Variants in PCSK6 observed in about 807,000 individuals in gnomAD.
The protein encoded by PCSK6 is proprotein convertase subtilisin/kexin type 6, also known as paired basic amino acid cleaving enzyme 4.
A neutral mutation model predicts 123.3 loss-of-function variants in PCSK6; 85 were observed. That is an observed-to-expected ratio of 0.69 (90% confidence interval 0.58 to 0.83). The LOEUF (loss-of-function observed/expected upper bound fraction) is 0.83. Ranked by LOEUF, PCSK6 falls within the 40% of genes least tolerant of loss-of-function variation. The probability of loss-of-function intolerance (pLI) is 0.00; values close to 1 mark genes in which losing one functional copy is unlikely to be tolerated. For synonymous variants in PCSK6, 508 were observed against 516.0 expected, an observed-to-expected ratio of 0.98 and a Z score of 0.21; for missense variants, 1,191 against 1,282.3, an observed-to-expected ratio of 0.93 and a Z score of 1.09.
At chr15:101,353,828 C>T (rs1305634999) in intron 13 of PCSK6, among the ~76,000 whole-genome samples, 2 of 152,144 alleles carry the variant, frequency 1.3e-5, no homozygotes, top group Non-Finnish European at 2.9e-5. Context: ...ACGGCCCTGA[C>T]ACCAGGCTCT....
chr15:101,489,302 C>G, intron 1 of PCSK6, 72 bp downstream of exon 1: 1 of 971,154 alleles, frequency 1.0e-6, no homozygotes. Flanking sequence ...GACAGGACTG[C>G]GGAGGCGCCC....
rs1243726824 is a variant in PCSK6 at position 101,391,577 on chromosome 15, T to C, written c.1209+1635A>G. Among the ~76,000 whole-genome samples the C allele has an allele frequency of 2.0e-5, 3 of 152,256 alleles. No individual in the cohort carries two copies. The East Asian group carries it at 5.8e-4, about 29-fold the overall frequency. ...GGTTTTACTCCTCTATAAAGAGTCA[T>C]GTGTCACCACAGGACATCCCTCGCT... is the stretch of plus-strand genomic sequence containing the variant. On this transcript the variant is annotated intron_variant, in intron 8 of 21. Transcript: ENST00000611716.
At chr15:101,307,412 C>G in intron 20 of PCSK6, 87 bp from the exon 21 acceptor site, 1 of 892,330 alleles carries the variant, frequency 1.1e-6, no homozygotes, top group Non-Finnish European at 1.8e-6. Context: ...CCTCCCTGCA[C>G]CTCCTTCCCA....
chr15:101,395,382 C>A lies in PCSK6; in HGVS notation c.997-1958G>T, dbSNP rs111289534. Among the ~76,000 whole-genome samples the A allele has an allele frequency of 4.5e-3, 686 of 152,306 alleles. 4 individuals are homozygous for A. The highest frequency in any genetic ancestry group is 0.017 in the Middle Eastern group (5 of 294). ...GACGCCAGTGCTGCTGGCTCTGGACCCCACTTTGAATACCAAGAGCCTGAA... is the reference window on the plus strand; with the variant it reads ...GACGCCAGTGCTGCTGGCTCTGGACACCACTTTGAATACCAAGAGCCTGAA... On this transcript the variant is annotated intron_variant, in intron 7 of 21. Transcript: ENST00000611716.
intron 2 of PCSK6, among the ~76,000 whole-genome samples, chr15:101,436,353 C>G (rs1293742909): frequency 6.6e-6 from 1 of 152,222 alleles, no homozygotes; most frequent in East Asian, 1.9e-4. Flanking sequence ...GAAGTACGCA[C>G]CGGCAGGGCT....
chr15:101,366,441 G>A (rs976806087), intron 12 of PCSK6, 109 bp from the exon 13 acceptor site: 39 of 1,155,042 alleles, frequency 3.4e-5, no homozygotes, highest in African/African-American at 2.2e-4. Context: ...TGGCTGGACC[G>A]TACCCCCAGG....
chr15:101,452,825 G>A (rs1033819155), intron 1 of PCSK6, among the ~76,000 whole-genome samples: 6 of 151,974 alleles, frequency 3.9e-5, no homozygotes, highest in Non-Finnish European at 8.8e-5. Context: ...GGAATTCCCC[G>A]GTGTCCATGG....
chr15:101,385,851 T>G (rs1194050034), intron 9 of PCSK6, among the ~76,000 whole-genome samples: 1 of 152,262 alleles, frequency 6.6e-6, no homozygotes, highest in African/African-American at 2.4e-5. Flanking sequence ...TATGGGCTCA[T>G]GGTTCCGGCC....
At chr15:101,344,691 G>A (rs927545167) in intron 13 of PCSK6, among the ~76,000 whole-genome samples, 3 of 151,884 alleles carry the variant, frequency 2.0e-5, no homozygotes, top group Admixed American at 1.3e-4. Context: ...TCTCACTGTC[G>A]CCCAGGCTGG....
At chr15:101,358,927 T>G (rs2041127189) in intron 13 of PCSK6, among the ~76,000 whole-genome samples, 2 of 152,142 alleles carry the variant, frequency 1.3e-5, no homozygotes, top group African/African-American at 2.4e-5. Flanking sequence ...GTGTCCCATG[T>G]GAGGGCCACA....
chr15:101,474,887 C>T (rs1382770754), intron 1 of PCSK6, among the ~76,000 whole-genome samples: 1 of 152,242 alleles, frequency 6.6e-6, no homozygotes, highest in East Asian at 1.9e-4. Flanking sequence ...TCCCCATGCA[C>T]ACCCTGTAAG....
At chr15:101,486,623 G>A (rs956803661) in intron 1 of PCSK6, among the ~76,000 whole-genome samples, 1 of 152,220 alleles carries the variant, frequency 6.6e-6, no homozygotes, top group Non-Finnish European at 1.5e-5. Context: ...TTACAATGGA[G>A]AGGATCCACA....
intron 1 of PCSK6, among the ~76,000 whole-genome samples, chr15:101,460,682 T>C (rs1014841108): frequency 3.3e-5 from 5 of 152,190 alleles, no homozygotes; most frequent in African/African-American, 1.2e-4. Context: ...TAAGAACTGA[T>C]TTCCAAGAAA....
intron 13 of PCSK6, among the ~76,000 whole-genome samples, chr15:101,340,989 G>A (rs2040591325): frequency 6.7e-6 from 1 of 148,262 alleles, no homozygotes; most frequent in Non-Finnish European, 1.5e-5. Flanking sequence ...AGGCTGGAGT[G>A]TAGTGGTGCA....
At chr15:101,424,915 C>T (rs1319545498) in intron 6 of PCSK6, among the ~76,000 whole-genome samples, 5 of 152,074 alleles carry the variant, frequency 3.3e-5, no homozygotes, top group East Asian at 1.9e-4. Flanking sequence ...CTGGATATGC[C>T]GCTGACAGAG....
chr15:101,309,450 G>A (rs941628367), intron 20 of PCSK6, among the ~76,000 whole-genome samples: 1 of 152,194 alleles, frequency 6.6e-6, no homozygotes. Context: ...AACCATCTAT[G>A]GTACCTACTT....
chr15:101,379,930 C>T (rs140439329), intron 11 of PCSK6, among the ~76,000 whole-genome samples: 13 of 152,280 alleles, frequency 8.5e-5, no homozygotes, highest in Admixed American at 3.3e-4. Flanking sequence ...TGCTTGGTAA[C>T]ACCCCTCTCT....
At chr15:101,325,934 C>A (rs1266728902) in intron 16 of PCSK6, among the ~76,000 whole-genome samples, 1 of 152,192 alleles carries the variant, frequency 6.6e-6, no homozygotes, top group African/African-American at 2.4e-5. Context: ...TCTGTGAAAG[C>A]CCCACACCCA....
At chr15:101,381,861 A>T (rs187207761) in intron 11 of PCSK6, among the ~76,000 whole-genome samples, 2 of 152,378 alleles carry the variant, frequency 1.3e-5, no homozygotes, top group East Asian at 3.9e-4. Flanking sequence ...ATCGTGGAGC[A>T]ATCTGCTACA....
Sources: allele counts gnomAD v4.1 joint callset (sites outside exome capture counted in the v4.1 genomes callset), GRCh38; gene constraint gnomAD v4.1.1; transcripts MANE v1.5; gene names NCBI Gene and HGNC (gene_info 2026-07-23, HGNC 2026-07-21).